MAF: variants seen among roughly 807,000 people sequenced by gnomAD.
MAF encodes the protein transcription factor Maf.
Under a neutral mutation model 22.0 loss-of-function variants are expected in MAF, and 10 were observed. That is an observed-to-expected ratio of 0.45 (90% confidence interval 0.28 to 0.77). The LOEUF (loss-of-function observed/expected upper bound fraction) is 0.77. Ranked by LOEUF, MAF falls within the 30% of genes least tolerant of loss-of-function variation. MAF has a pLI of 0.12. For missense variants in MAF, 544 were observed against 548.4 expected (o/e 0.99, Z 0.08); for synonymous variants, 337 against 255.8 (o/e 1.32, Z -3.03).
At chr16:79,445,301 C>G in the MAF span, among the ~76,000 whole-genome samples, 3 of 152,196 alleles carry the variant, frequency 2.0e-5, no homozygotes, top group African/African-American at 7.2e-5. Context: ...CCTTGGCCTC[C>G]CAAAGTGCTG....
chr16:79,233,037 T>A, the MAF span, among the ~76,000 whole-genome samples: 1 of 151,746 alleles, frequency 6.6e-6, no homozygotes, highest in Non-Finnish European at 1.5e-5. Flanking sequence ...AGACTGGGTG[T>A]CACCGTGTTA....
At chr16:79,456,149 C>T in the MAF span, among the ~76,000 whole-genome samples, 1 of 152,162 alleles carries the variant, frequency 6.6e-6, no homozygotes, top group South Asian at 2.1e-4. Flanking sequence ...ATGTGCTTGC[C>T]TACTATCCTA....
At chr16:79,386,440 C>T in the MAF span, among the ~76,000 whole-genome samples, 4 of 152,028 alleles carry the variant, frequency 2.6e-5, no homozygotes, top group East Asian at 1.9e-4. Context: ...AATGCTGTGG[C>T]TGATCTGACA....
the MAF span, among the ~76,000 whole-genome samples, chr16:79,235,144 A>C: frequency 9.7e-3 from 1,474 of 152,210 alleles, 30 homozygotes; most frequent in African/African-American, 0.033. Flanking sequence ...ATGCAGCCAA[A>C]GCTCACCGGG....
chr16:79,526,587 G>A, the MAF span, among the ~76,000 whole-genome samples: 402 of 152,338 alleles, frequency 2.6e-3, no homozygotes, highest in African/African-American at 9.1e-3. Context: ...ACTATCAGGA[G>A]ATAGGTCTTA....
At chr16:79,392,901 T>TC in the MAF span, among the ~76,000 whole-genome samples, 1 of 152,130 alleles carries the variant, frequency 6.6e-6, no homozygotes, top group Admixed American at 6.5e-5. Flanking sequence ...TTTCTCTGCT[T>TC]CCCCCTACAG....
chr16:79,353,556 G>A, the MAF span, among the ~76,000 whole-genome samples: 21 of 152,234 alleles, frequency 1.4e-4, no homozygotes, highest in African/African-American at 4.8e-4. Flanking sequence ...GAGAGTCGCC[G>A]GTAGGGAGGA....
the MAF span, among the ~76,000 whole-genome samples, chr16:79,296,532 T>C: frequency 6.6e-6 from 1 of 151,712 alleles, no homozygotes; most frequent in Non-Finnish European, 1.5e-5. Flanking sequence ...AATAAAATAA[T>C]TTTTTTTTAA....
At chr16:79,213,334 C>G in the MAF span, among the ~76,000 whole-genome samples, 152 of 152,328 alleles carry the variant, frequency 1.0e-3, no homozygotes, top group Non-Finnish European at 1.7e-3. Context: ...TGGCCCATAG[C>G]CTTGCCACAT....
At chr16:79,342,181 C>T in the MAF span, among the ~76,000 whole-genome samples, 1 of 152,194 alleles carries the variant, frequency 6.6e-6, no homozygotes, top group Non-Finnish European at 1.5e-5. Flanking sequence ...AGGTGGCACA[C>T]CCGGGGTCCC....
the MAF span, among the ~76,000 whole-genome samples, chr16:79,384,139 G>A: frequency 3.9e-3 from 587 of 152,172 alleles, 3 homozygotes; most frequent in African/African-American, 6.4e-3. Flanking sequence ...TTCTATTTAA[G>A]CATTGTTTTA....
At chr16:79,339,310 C>T in the MAF span, among the ~76,000 whole-genome samples, 9 of 152,200 alleles carry the variant, frequency 5.9e-5, no homozygotes, top group African/African-American at 1.4e-4. Context: ...CCGCCTGCCT[C>T]GGCCTCCCAG....
the MAF span, among the ~76,000 whole-genome samples, chr16:79,534,340 T>C: frequency 2.6e-5 from 4 of 152,236 alleles, no homozygotes; most frequent in African/African-American, 9.6e-5. Flanking sequence ...TGTGGTTTTA[T>C]TCTTGGGAAT....
At chr16:79,355,393 A>AACATACAT in the MAF span, among the ~76,000 whole-genome samples, 1 of 152,212 alleles carries the variant, frequency 6.6e-6, no homozygotes, top group African/African-American at 2.4e-5. Flanking sequence ...CAGTGGGATA[A>AACATACAT]GTACAGCCCA....
rs1254483176 is a variant in MAF, at chr16:79,600,474, C to G, written c.-572G>C. 1.5e-5 allele frequency: 3 copies of G among 196,024 alleles called. No homozygotes were observed. The highest frequency in any genetic ancestry group is 2.4e-5 in the African/African-American group (1 of 42,146). The allele number at this position is 196,024 out of a possible 1,614,324, so 12.1% of individuals were successfully genotyped here. Reference sequence around the variant, plus strand: ...TTCTCGCCTCCTCTTCTGCTTGGCTCTCTTTATTATTTTTTTTCTTTCCTC... The same window carrying G: ...TTCTCGCCTCCTCTTCTGCTTGGCTGTCTTTATTATTTTTTTTCTTTCCTC... On this transcript the variant is annotated 5_prime_UTR_variant, in exon 1 of 2. Transcript: ENST00000326043.
the MAF span, among the ~76,000 whole-genome samples, chr16:79,549,604 G>A: frequency 2.6e-5 from 4 of 152,334 alleles, no homozygotes; most frequent in South Asian, 8.3e-4. Context: ...CATGTCCTCA[G>A]TGTGGAAACC....
the MAF span, among the ~76,000 whole-genome samples, chr16:79,497,233 A>T: frequency 1.3e-5 from 2 of 152,330 alleles, no homozygotes; most frequent in Non-Finnish European, 1.5e-5. Context: ...CATATTTAAA[A>T]CAAGCAATAA....
the MAF span, among the ~76,000 whole-genome samples, chr16:79,256,211 A>G: frequency 6.6e-6 from 1 of 151,592 alleles, no homozygotes; most frequent in Non-Finnish European, 1.5e-5. Flanking sequence ...GATGGTCTCA[A>G]TCTCCTGACC....
At chr16:79,342,482 A>G in the MAF span, among the ~76,000 whole-genome samples, 1 of 152,096 alleles carries the variant, frequency 6.6e-6, no homozygotes, top group Non-Finnish European at 1.5e-5. Context: ...ATTTGTAAGG[A>G]TTCCAAGAGG....
Sources: allele counts gnomAD v4.1 joint callset (sites outside exome capture counted in the v4.1 genomes callset), GRCh38; gene constraint gnomAD v4.1.1; transcripts MANE v1.5; gene names NCBI Gene and HGNC (gene_info 2026-07-23, HGNC 2026-07-21).